Variants in SLC45A4 observed in about 807,000 individuals in gnomAD.
SLC45A4 encodes solute carrier family 45 member 4.
A neutral mutation model predicts 63.7 loss-of-function variants in SLC45A4; 32 were observed. The observed-to-expected ratio is 0.50, with a 90% CI of 0.38 to 0.67. The LOEUF (loss-of-function observed/expected upper bound fraction) is 0.67, where lower values mean the gene tolerates loss of function less well. Ranked by LOEUF, SLC45A4 falls within the 30% of genes least tolerant of loss-of-function variation. The pLI, the probability that SLC45A4 is intolerant of heterozygous loss-of-function variation, is 0.00. For synonymous variants in SLC45A4, 535 were observed against 510.0 expected (o/e 1.05, Z -0.66); for missense variants, 1,027 against 1,157.7 (o/e 0.89, Z 1.64).
rs1409229621 is a variant in SLC45A4, at chr8:141,253,612, AC to A, written c.241+376del. ...GGGCTCCCGAATTCGCCTGCATGACACAGCCAGTGACTGTCAGTGCTGGCGA... is the reference window on the plus strand; with the variant it reads ...GGGCTCCCGAATTCGCCTGCATGACAAGCCAGTGACTGTCAGTGCTGGCGA... On this transcript the variant is annotated intron_variant, in intron 2 of 8. Coordinates refer to ENST00000517878, the MANE Select transcript of SLC45A4 (RefSeq NM_001286646.2). 3.2e-3 allele frequency among the ~76,000 whole-genome samples: 486 copies of A among 152,328 alleles called. 1 individual carries two copies. The highest frequency in any genetic ancestry group is 0.011 in the African/African-American group (460 of 41,582).
chr8:141,215,953 A>C lies in SLC45A4; in HGVS notation c.1747T>G (p.Leu583Val). ...AICSALLQKYLDNYDLSVRVI... is the reference protein window; with the variant it reads ...AICSALLQKYVDNYDLSVRVI... ...CTGACGCTCAGGTCGTAGTTGTCCA[A>C]GTACTTCTGTAACAGGGCTGCAGAG... The change falls in exon 7 of 9, where the codon TTG becomes GTG. Residue 583 changes from leucine (L) to valine (V), a missense_variant. Coordinates refer to ENST00000517878, the MANE Select transcript of SLC45A4 (RefSeq NM_001286646.2). The surrounding 1 kb of genome is among the most constrained non-coding windows in gnomAD (Gnocchi z 4.3). The C allele has an allele frequency of 6.2e-7, 1 of 1,613,810 alleles. No homozygotes were observed. Among genetic ancestry groups the C allele is most frequent in the African/African-American group, 1.3e-5 (1 of 75,018 alleles).
At chr8:141,274,724 C>T (rs1194589367) in intron 1 of SLC45A4, among the ~76,000 whole-genome samples, 1 of 152,216 alleles carries the variant, frequency 6.6e-6, no homozygotes, top group African/African-American at 2.4e-5. Flanking sequence ...GGTCAGCCAT[C>T]TCGAGGGACA....
At chr8:141,238,866 C>T (rs866912493) in intron 2 of SLC45A4, among the ~76,000 whole-genome samples, 2 of 152,200 alleles carry the variant, frequency 1.3e-5, no homozygotes, top group South Asian at 2.1e-4. Flanking sequence ...GCTGCAGACA[C>T]GCAGCCCCAT....
chr8:141,283,194 T>C (rs73366491), intron 1 of SLC45A4, among the ~76,000 whole-genome samples: 9,154 of 152,328 alleles, frequency 0.06, 519 homozygotes, highest in African/African-American at 0.15. Flanking sequence ...CTGAGCTAGA[T>C]GCTAGATACG....
chr8:141,230,681 C>T (rs1009052140), intron 2 of SLC45A4, among the ~76,000 whole-genome samples: 6 of 152,224 alleles, frequency 3.9e-5, no homozygotes, highest in African/African-American at 7.2e-5. Flanking sequence ...GCCGCTGCCC[C>T]GGCACCTATA....
chr8:141,213,225 C>T (rs568537073), intron 7 of SLC45A4, among the ~76,000 whole-genome samples: 12 of 152,128 alleles, frequency 7.9e-5, no homozygotes, highest in Non-Finnish European at 1.3e-4. Flanking sequence ...AAGAGAAGAG[C>T]TAAGCAATGT....
intron 1 of SLC45A4, among the ~76,000 whole-genome samples, chr8:141,285,063 G>A (rs1207905379): frequency 6.6e-6 from 1 of 152,234 alleles, no homozygotes; most frequent in Non-Finnish European, 1.5e-5. Context: ...GTGGGGCTCG[G>A]GGCCACTGGT....
chr8:141,261,379 T>C (rs1468501231), intron 1 of SLC45A4, among the ~76,000 whole-genome samples: 7 of 152,142 alleles, frequency 4.6e-5, no homozygotes, highest in East Asian at 1.9e-4. Context: ...CCAGGGCAAT[T>C]AGGCAGAAGA....
In SLC45A4 at chr8:141,219,812, C is replaced by T. The variant is rs963123090; in HGVS notation, c.448G>A (p.Val150Ile). ...ATGCCAATGGGCTGCCGGTTGGGGA[C>T]ATCGCCGAGGGCCAGACCTGCGCAG... ...GSAIGLALGDVPNRQPIGIVL... is the reference protein window; with the variant it reads ...GSAIGLALGDIPNRQPIGIVL... Residue 150 changes from valine to isoleucine, a missense_variant, in exon 4 of 9, where the codon GTC becomes ATC. Val to Ile is a conservative substitution (Grantham distance 29, BLOSUM62 3). Coordinates refer to ENST00000517878, the MANE Select transcript of SLC45A4 (RefSeq NM_001286646.2). The T allele has an allele frequency of 6.3e-7, 1 of 1,586,614 alleles. No individual in the cohort carries two copies.
chr8:141,215,945 G>A lies in SLC45A4; in HGVS notation c.1755C>T (p.Asn585=). ...CSALLQKYLD[N]YDLSVRVIYV... is the part of the protein sequence containing the mutation. ...AGATCACCCTGACGCTCAGGTCGTA[G>A]TTGTCCAAGTACTTCTGTAACAGGG... The change falls in exon 7 of 9, where the codon AAC becomes AAT. Residue 585 remains asparagine (N), a synonymous_variant. Coordinates refer to ENST00000517878, the MANE Select transcript of SLC45A4 (RefSeq NM_001286646.2). This position sits in a 1 kb window ranked among gnomAD's most constrained non-coding sequence, Gnocchi z 4.3. 2.5e-6 allele frequency: 4 copies of A among 1,613,896 alleles called. No individual in the cohort carries two copies. The highest frequency in any genetic ancestry group is 1.6e-4 in the Middle Eastern group (1 of 6,062).
In SLC45A4 at chr8:141,229,148, C is replaced by G. The variant is rs1210695554; in HGVS notation, c.242-7383G>C. 6.6e-6 allele frequency among the ~76,000 whole-genome samples: 1 copy of G among 152,206 alleles called. No homozygotes were observed. The highest frequency in any genetic ancestry group is 2.4e-5 in the African/African-American group (1 of 41,446). ...TTAGTGCCCTTAAAAGAGCTGCACT[C>G]TCAGGAGCAGAGTTTTGTGAGCATA... is the stretch of plus-strand genomic sequence containing the variant. On this transcript the variant is annotated intron_variant, in intron 2 of 8. Coordinates refer to ENST00000517878, the MANE Select transcript of SLC45A4 (RefSeq NM_001286646.2). This position sits in a 1 kb window ranked among gnomAD's most constrained non-coding sequence, Gnocchi z 5.0.
intron 7 of SLC45A4, among the ~76,000 whole-genome samples, chr8:141,214,905 C>G (rs901201684): frequency 4.6e-5 from 7 of 152,116 alleles, no homozygotes; most frequent in Admixed American, 4.6e-4. Context: ...CCACACACAC[C>G]ACACTACTCC....
At chr8:141,225,336 T>A (rs1425392346) in intron 2 of SLC45A4, 1 of 152,226 alleles carries the variant, frequency 6.6e-6, no homozygotes, top group Non-Finnish European at 1.5e-5. Context: ...CCACCCGAAC[T>A]CTGCCTGTGG....
rs1169146890 is a variant in SLC45A4 at position 141,217,103 on chromosome 8, A to G, written c.1716T>C (p.Gly572=). 1 of 1,613,818 alleles carries G rather than the reference A, an allele frequency of 6.2e-7. No individual in the cohort carries two copies. The highest frequency in any genetic ancestry group is 1.3e-5 in the African/African-American group (1 of 75,008). Residue 572 remains glycine (G), a synonymous_variant, in exon 6 of 9, where the codon GGT becomes GGC. Transcript: ENST00000517878. ...GGGAGCTCTTACCTGAACAAATAGC[A>G]CCAGTGGCGGCATAAATGACCAGGC... The part of the protein sequence containing the change: ...CWGLVIYAAT[G]AICSALLQKY...
intron 2 of SLC45A4, chr8:141,225,257 T>C (rs954536658): frequency 2.0e-5 from 3 of 152,244 alleles, no homozygotes; most frequent in Non-Finnish European, 4.4e-5. Flanking sequence ...TACACTGCTA[T>C]ATTCCTCTGA....
intron 2 of SLC45A4, among the ~76,000 whole-genome samples, chr8:141,241,374 G>A (rs1827906723): frequency 6.6e-6 from 1 of 152,310 alleles, no homozygotes; most frequent in East Asian, 1.9e-4. Flanking sequence ...CCTATGGTGC[G>A]ACTGTGTAGA....
chr8:141,302,979 T>C (rs1054019032), intron 1 of SLC45A4, among the ~76,000 whole-genome samples: 5 of 149,696 alleles, frequency 3.3e-5, no homozygotes, highest in Non-Finnish European at 7.4e-5. Context: ...TCTTGTTTTC[T>C]GGCCTTACAA....
chr8:141,293,175 C>A (rs996625345), intron 1 of SLC45A4, among the ~76,000 whole-genome samples: 1 of 152,206 alleles, frequency 6.6e-6, no homozygotes, highest in Admixed American at 6.5e-5. Context: ...GAAAATGCGG[C>A]CGGGCGCAGT....
rs1166883880 is a variant in SLC45A4 at position 141,256,259 on chromosome 8, C to A, written c.-400-1630G>T. On this transcript the variant is annotated intron_variant, in intron 1 of 8. Transcript: ENST00000517878. This position sits in a 1 kb window ranked among gnomAD's most constrained non-coding sequence, Gnocchi z 4.3. ...TCTCCAGACATGGGGTTCGGTTCAA[C>A]TGAAGTGTTAGAGCCCCTAAAAACA... is the stretch of plus-strand genomic sequence containing the variant. Among the ~76,000 whole-genome samples the A allele has an allele frequency of 2.6e-5, 4 of 152,322 alleles. No individual in the cohort carries two copies. Among genetic ancestry groups the A allele is most frequent in the Middle Eastern group, 3.4e-3 (1 of 294 alleles).
Sources: gnomAD v4.1 joint callset for allele counts (sites outside exome capture counted in the v4.1 genomes callset) on GRCh38, gnomAD v4.1.1 for gene constraint, Gnocchi (gnomAD v3.1) non-coding constraint, MANE v1.5 for transcripts, NCBI Gene and HGNC (gene_info 2026-07-23, HGNC 2026-07-21) for gene names.